SMU1: variants seen among roughly 807,000 people sequenced by gnomAD.
SMU1 encodes SMU1 DNA replication regulator and spliceosomal factor.
A neutral mutation model predicts 62.0 loss-of-function variants in SMU1; 2 were observed. That is an observed-to-expected ratio of 0.03 (90% CI 0.01 to 0.10). The LOEUF (loss-of-function observed/expected upper bound fraction) is 0.10. Ranked by LOEUF, SMU1 falls within the 10% of genes least tolerant of loss-of-function variation. The pLI, the probability that SMU1 is intolerant of heterozygous loss-of-function variation, is 1.00. For synonymous variants in SMU1, 188 were observed against 212.4 expected, an observed-to-expected ratio of 0.89 and a Z score of 1.00; for missense variants, 227 against 622.1, an observed-to-expected ratio of 0.36 and a Z score of 6.76.
chr9:33,071,336 G>C (rs1373375986), intron 3 of SMU1, among the ~76,000 whole-genome samples: 3 of 152,016 alleles, frequency 2.0e-5, no homozygotes, highest in African/African-American at 7.3e-5. Flanking sequence ...AATCCGCGAA[G>C]AAACAAAAGC....
intron 1 of SMU1, among the ~76,000 whole-genome samples, chr9:33,075,052 T>C (rs1839530251): frequency 6.6e-6 from 1 of 152,068 alleles, no homozygotes; most frequent in South Asian, 2.1e-4. Context: ...AGATGACAGG[T>C]GTGAGCCACC....
In SMU1 at chr9:33,042,357, C is replaced by T. The variant is rs1272024907; in HGVS notation, c.*4936G>A. ...TAATGAGGGAGAGCCTATGAAAAAACAAAGCCTATGAAACAGAGCCTATGA... is the reference window on the plus strand; with the variant it reads ...TAATGAGGGAGAGCCTATGAAAAAATAAAGCCTATGAAACAGAGCCTATGA... On this transcript the variant is annotated 3_prime_UTR_variant, in exon 12 of 12. Coordinates refer to ENST00000397149, the MANE Select transcript of SMU1 (RefSeq NM_018225.3). The T allele has an allele frequency of 6.5e-6, 1 of 152,680 alleles. No homozygotes were observed. The highest frequency in any genetic ancestry group is 6.5e-5 in the Admixed American group (1 of 15,282). The allele number at this position is 152,680 out of a possible 1,614,324, so 9.5% of individuals were successfully genotyped here.
intron 6 of SMU1, among the ~76,000 whole-genome samples, chr9:33,060,100 C>T (rs938479177): frequency 6.6e-6 from 1 of 152,156 alleles, no homozygotes; most frequent in Non-Finnish European, 1.5e-5. Context: ...ACCTCAAACT[C>T]CTGGCTTGAG....
Position 33,047,259 on chromosome 9 carries a change from A to G in SMU1, c.*34T>C, listed in dbSNP as rs1195974551. ...ACATGAATATGCTTCATTTAAGTACATGCTTTCGAGCTGATTTAAAAAGAA... is the reference window on the plus strand; with the variant it reads ...ACATGAATATGCTTCATTTAAGTACGTGCTTTCGAGCTGATTTAAAAAGAA... On this transcript the variant is annotated 3_prime_UTR_variant, in exon 12 of 12. Coordinates refer to ENST00000397149, the MANE Select transcript of SMU1 (RefSeq NM_018225.3). 6.7e-7 allele frequency: 1 copy of G among 1,484,300 alleles called. No individual in the cohort carries two copies. 91.9% of individuals were successfully genotyped at this position (1,484,300 alleles called of 1,614,324 possible). A position where few individuals can be genotyped will look rare whatever the true frequency, so the allele number is the denominator to read the frequency against.
chr9:33,068,410 C>G (rs1587712329), intron 4 of SMU1, among the ~76,000 whole-genome samples: 1 of 152,204 alleles, frequency 6.6e-6, no homozygotes, highest in Non-Finnish European at 1.5e-5. Context: ...ATAAGCAACT[C>G]TGTAGGTAGT....
At chr9:33,066,265 G>C (rs997736471) in intron 4 of SMU1, among the ~76,000 whole-genome samples, 1 of 152,050 alleles carries the variant, frequency 6.6e-6, no homozygotes, top group African/African-American at 2.4e-5. Context: ...GGACAATGCA[G>C]GAAGGATAAT....
rs1299360593 is a variant in SMU1, at chr9:33,042,202, T to C, written c.*5091A>G. On this transcript the variant is annotated 3_prime_UTR_variant, in exon 12 of 12. Coordinates refer to ENST00000397149, the MANE Select transcript of SMU1 (RefSeq NM_018225.3). ...TACTTTTGCACTAACCTAATAGTTA[T>C]ATCCTGAAGAGGCAGAAACTGATAG... The C allele has an allele frequency of 1.3e-5, 2 of 152,816 alleles. No individual in the cohort carries two copies. Among genetic ancestry groups the C allele is most frequent in the South Asian group, 2.1e-4 (1 of 4,830 alleles). 9.5% of individuals were successfully genotyped at this position (152,816 alleles called of 1,614,324 possible).
rs1839180591 is a variant in SMU1, at chr9:33,045,936, G to A, written c.*1357C>T. 6.6e-6 allele frequency: 1 copy of A among 152,168 alleles called. No individual in the cohort carries two copies. Among genetic ancestry groups the A allele is most frequent in the Admixed American group, 6.5e-5 (1 of 15,282 alleles). 9.4% of individuals were successfully genotyped at this position (152,168 alleles called of 1,614,324 possible). On this transcript the variant is annotated 3_prime_UTR_variant, in exon 12 of 12. Transcript: ENST00000397149. ...CCCCACTAGTTTGTACCTAATAAAT[G>A]CTAACATTTAAAAGGGGGCACAAAA... is the stretch of plus-strand genomic sequence containing the variant.
chr9:33,067,062 AAAAAT>A (rs1380080158), intron 4 of SMU1, among the ~76,000 whole-genome samples: 1 of 152,160 alleles, frequency 6.6e-6, no homozygotes, highest in Non-Finnish European at 1.5e-5. Flanking sequence ...AGGCAAAAGA[AAAAAT>A]AAGCAATAAT....
At position 33,047,417 on chromosome 9, in the gene SMU1, G is replaced by A. The variant is rs953934561; in HGVS notation, c.1444-26C>T. 4.4e-6 allele frequency: 7 copies of A among 1,592,590 alleles called. No homozygotes were observed. The African/African-American group carries it at 9.4e-5, about 21-fold the overall frequency. Reference sequence around the variant, plus strand: ...CTGGAACATGTAAAGCACAGGGTTAGGATGTACAGATCTGCAATAAATCAC... The same window carrying A: ...CTGGAACATGTAAAGCACAGGGTTAAGATGTACAGATCTGCAATAAATCAC... On this transcript the variant is annotated intron_variant, in intron 11 of 11. Coordinates refer to ENST00000397149, the MANE Select transcript of SMU1 (RefSeq NM_018225.3).
intron 4 of SMU1, among the ~76,000 whole-genome samples, chr9:33,066,504 T>TGAAAAA (rs1289918886): frequency 5.0e-5 from 1 of 20,162 alleles, no homozygotes; most frequent in Non-Finnish European, 1.0e-4. Flanking sequence ...TTCCATTTAA[T>TGAAAAA]TAAAAAAAAA....
intron 2 of SMU1, among the ~76,000 whole-genome samples, chr9:33,072,227 C>T (rs1301499030): frequency 6.6e-6 from 1 of 152,092 alleles, no homozygotes; most frequent in Non-Finnish European, 1.5e-5. Context: ...ATTCCAGCTA[C>T]TTGGGAGGCT....
Position 33,064,981 on chromosome 9 carries a change from G to T in SMU1, c.502-2804C>A, listed in dbSNP as rs149515160. The stretch of plus-strand genomic sequence containing the variant: ...TGGTCTCCAACTCCTGACCTCGGTT[G>T]ATCCACCCACCTGGGCTTCCCAAAG... On this transcript the variant is annotated intron_variant, in intron 4 of 11. Transcript: ENST00000397149. 7.3e-3 allele frequency among the ~76,000 whole-genome samples: 1,107 copies of T among 152,270 alleles called. 16 individuals are homozygous for T. Among genetic ancestry groups the T allele is most frequent in the Non-Finnish European group, 9.3e-3 (631 of 68,026 alleles).
intron 8 of SMU1, 79 bp downstream of exon 8, chr9:33,056,758 G>T (rs937969797): frequency 6.8e-7 from 1 of 1,461,722 alleles, no homozygotes; most frequent in Admixed American, 1.9e-5. Flanking sequence ...TGGTAAAAGC[G>T]TAAGGAATCA....
chr9:33,050,978 G>A lies in SMU1; in HGVS notation c.1290+2145C>T, dbSNP rs1274163967. Among the ~76,000 whole-genome samples, 26 of 113,912 alleles carry A rather than the reference G, an allele frequency of 2.3e-4. 6 individuals carry two copies. The highest frequency in any genetic ancestry group is 2.3e-3 in the Admixed American group (25 of 11,074). 74.7% of individuals were successfully genotyped at this position (113,912 alleles called of 152,430 possible). A position where few individuals can be genotyped will look rare whatever the true frequency, so the allele number is the denominator to read the frequency against. ...CTACTAAAAATACAAAAAATTAGCC[G>A]GGCGTGGTGGCGGGCGCCTGTAGTC... On this transcript the variant is annotated intron_variant, in intron 10 of 11. Transcript: ENST00000397149.
In SMU1 at chr9:33,073,760, G is replaced by T. The variant is rs763470206; in HGVS notation, c.73C>A (p.Arg25=). 3 of 1,614,172 alleles carry T rather than the reference G, an allele frequency of 1.9e-6. No individual in the cohort carries two copies. In the East Asian group the frequency reaches 6.7e-5, roughly 36 times the overall value. The change falls in exon 2 of 12, where the codon CGG becomes AGG. Residue 25 remains arginine, a synonymous_variant. Coordinates refer to ENST00000397149, the MANE Select transcript of SMU1 (RefSeq NM_018225.3). ...TCCTCCTGCAAGGTGGCTAACGCCCGATGTAAACTGTTCTCCTTCAAGTAC... is the reference window on the plus strand; with the variant it reads ...TCCTCCTGCAAGGTGGCTAACGCCCTATGTAAACTGTTCTCCTTCAAGTAC... ...MQYLKENSLH[R]ALATLQEETT...
At chr9:33,059,731 G>A (rs1839342544) in intron 6 of SMU1, among the ~76,000 whole-genome samples, 1 of 149,774 alleles carries the variant, frequency 6.7e-6, no homozygotes, top group Admixed American at 6.6e-5. Context: ...TCAGTCTCCC[G>A]AGTAGCTGGG....
At chr9:33,061,838 A>G (rs1255629903) in intron 5 of SMU1, among the ~76,000 whole-genome samples, 1 of 152,226 alleles carries the variant, frequency 6.6e-6, no homozygotes. Context: ...GTCAAGCTAG[A>G]TGTCCATCCA....
rs1478915968 is a variant in SMU1, at chr9:33,046,383, T to G, written c.*910A>C. Reference sequence around the variant, plus strand: ...GAGAGGAAGGCTGAGGGCAGTGAAATGAGAACCTATGCATCACCTGGCCTT... The same window carrying G: ...GAGAGGAAGGCTGAGGGCAGTGAAAGGAGAACCTATGCATCACCTGGCCTT... On this transcript the variant is annotated 3_prime_UTR_variant, in exon 12 of 12. Coordinates refer to ENST00000397149, the MANE Select transcript of SMU1 (RefSeq NM_018225.3). 1 of 152,026 alleles carries G rather than the reference T, an allele frequency of 6.6e-6. No individual in the cohort carries two copies. Among genetic ancestry groups the G allele is most frequent in the Admixed American group, 6.6e-5 (1 of 15,252 alleles). The allele number at this position is 152,026 out of a possible 1,614,324, so 9.4% of individuals were successfully genotyped here.
Sources: allele counts gnomAD v4.1 joint callset (sites outside exome capture counted in the v4.1 genomes callset), GRCh38; gene constraint gnomAD v4.1.1; transcripts MANE v1.5; gene names NCBI Gene and HGNC (gene_info 2026-07-23, HGNC 2026-07-21).